The following DYM variants were observed in gnomAD, a reference collection of about 807,000 sequenced individuals.
DYM encodes the protein dymeclin, also known as dyggve-Melchior-Clausen syndrome protein.
DYM carries 78 observed loss-of-function variants against 93.1 expected under a neutral mutation model. The observed-to-expected ratio is 0.84, with a 90% CI of 0.70 to 1.01. DYM has a LOEUF of 1.01. Among genes scored for constraint, DYM ranks in the 50% least tolerant of loss-of-function variants. The pLI, the probability that DYM is intolerant of heterozygous loss-of-function variation, is 0.00. For synonymous variants in DYM, 321 were observed against 319.7 expected (o/e 1.00, Z -0.04); for missense variants, 789 against 845.0 (o/e 0.93, Z 0.82).
chr18:49,149,202 G>A (rs1008787581), intron 15 of DYM, among the ~76,000 whole-genome samples: 20 of 152,250 alleles, frequency 1.3e-4, no homozygotes, highest in African/African-American at 3.4e-4. Flanking sequence ...GAGCTCAGGA[G>A]GTAATGGAGT....
intron 8 of DYM, among the ~76,000 whole-genome samples, chr18:49,316,709 T>C (rs377436272): frequency 1.3e-5 from 2 of 152,172 alleles, no homozygotes; most frequent in African/African-American, 2.4e-5. Flanking sequence ...TACCTACTTA[T>C]GTATCTTCTC....
At chr18:49,080,682 A>G (rs9304372) in intron 17 of DYM, among the ~76,000 whole-genome samples, 106,617 of 133,374 alleles carry the variant, frequency 0.8, 42,368 homozygotes, top group South Asian at 0.88. Flanking sequence ...GCTGCCGGGC[A>G]GAGACGCTCC....
chr18:49,357,317 A>G (rs1054934549), intron 6 of DYM, among the ~76,000 whole-genome samples: 5 of 152,190 alleles, frequency 3.3e-5, no homozygotes, highest in African/African-American at 1.2e-4. Context: ...TTTGAGGATG[A>G]CCTGAATTAA....
At chr18:49,217,832 A>G (rs889570006) in intron 13 of DYM, among the ~76,000 whole-genome samples, 4 of 152,244 alleles carry the variant, frequency 2.6e-5, no homozygotes, top group Non-Finnish European at 5.9e-5. Flanking sequence ...GAGGCTGGGA[A>G]GAACCTGCAT....
intron 17 of DYM, among the ~76,000 whole-genome samples, chr18:49,045,286 C>A (rs1228146342): frequency 3.3e-5 from 5 of 152,190 alleles, no homozygotes; most frequent in African/African-American, 1.2e-4. Flanking sequence ...GAAGACATGG[C>A]CCATAGGGCA....
At chr18:49,184,483 C>T (rs982691764) in intron 14 of DYM, among the ~76,000 whole-genome samples, 1 of 152,138 alleles carries the variant, frequency 6.6e-6, no homozygotes, top group Non-Finnish European at 1.5e-5. Flanking sequence ...TTCAGAGATA[C>T]TGCAGCAATA....
chr18:49,338,029 A>G (rs1252808967), intron 6 of DYM, among the ~76,000 whole-genome samples: 1 of 152,192 alleles, frequency 6.6e-6, no homozygotes, highest in Non-Finnish European at 1.5e-5. Context: ...TAAAATGGAA[A>G]AAGTATGTAT....
rs180934405 is a variant in DYM at position 49,148,421 on chromosome 18, T to A, written c.1728+15264A>T. ...TTTTAAAAATATATTTAACATTTTT[T>A]AAATTAATTAATTTTTTGTAGACAC... On this transcript the variant is annotated intron_variant, in intron 15 of 17. Coordinates refer to ENST00000675505, the MANE Select transcript of DYM (RefSeq NM_001353214.3). 2.0e-5 allele frequency among the ~76,000 whole-genome samples: 3 copies of A among 152,272 alleles called. No homozygotes were observed. The East Asian group carries it at 5.8e-4, about 29-fold the overall frequency.
intron 10 of DYM, among the ~76,000 whole-genome samples, chr18:49,280,596 G>A (rs1299529276): frequency 6.6e-6 from 1 of 152,176 alleles, no homozygotes; most frequent in East Asian, 1.9e-4. Flanking sequence ...ATAAGGACAG[G>A]GAGGGATGCT....
At position 49,283,832 on chromosome 18, in the gene DYM, C is replaced by CT. The variant is rs796953230; in HGVS notation, c.947-1658dup. The stretch of plus-strand genomic sequence containing the variant: ...TGCCTCTCAGATTCTCCTTCCTAAG[C>CT]TTTACATTTGTGAGGGGAATGCACC... On this transcript the variant is annotated intron_variant, in intron 9 of 17. Coordinates refer to ENST00000675505, the MANE Select transcript of DYM (RefSeq NM_001353214.3). Among the ~76,000 whole-genome samples, 5 of 152,294 alleles carry CT rather than the reference C, an allele frequency of 3.3e-5. 1 individual carries two copies. Among genetic ancestry groups the CT allele is most frequent in the African/African-American group, 1.2e-4 (5 of 41,566 alleles).
At chr18:49,171,501 T>G (rs899144352) in intron 14 of DYM, among the ~76,000 whole-genome samples, 2 of 151,950 alleles carry the variant, frequency 1.3e-5, no homozygotes, top group Non-Finnish European at 2.9e-5. Flanking sequence ...TGACCCGTGA[T>G]CAAATTTACA....
At chr18:49,313,438 C>G (rs1298045789) in intron 8 of DYM, among the ~76,000 whole-genome samples, 1 of 110,392 alleles carries the variant, frequency 9.1e-6, no homozygotes. Flanking sequence ...ACTCCAGTCT[C>G]GGCAACAGAG....
intron 15 of DYM, among the ~76,000 whole-genome samples, chr18:49,149,461 T>C (rs2085559701): frequency 6.6e-6 from 1 of 152,164 alleles, no homozygotes; most frequent in South Asian, 2.1e-4. Context: ...ACACTCCCAA[T>C]CTCTTCATCC....
At chr18:49,306,081 G>A (rs2061257119) in intron 8 of DYM, among the ~76,000 whole-genome samples, 1 of 152,100 alleles carries the variant, frequency 6.6e-6, no homozygotes, top group Non-Finnish European at 1.5e-5. Context: ...GAAGATTAGT[G>A]GACTGAAAGA....
chr18:49,182,555 C>G (rs2090028041), intron 14 of DYM, among the ~76,000 whole-genome samples: 1 of 152,006 alleles, frequency 6.6e-6, no homozygotes, highest in African/African-American at 2.4e-5. Flanking sequence ...GTGATGTTTC[C>G]TCTCTGAAGT....
At chr18:49,214,177 G>GT (rs2092923902) in intron 13 of DYM, among the ~76,000 whole-genome samples, 1 of 152,208 alleles carries the variant, frequency 6.6e-6, no homozygotes. Flanking sequence ...TCTGAAGCCT[G>GT]TTAGGAACTG....
At chr18:49,134,969 G>A (rs1418010418) in intron 15 of DYM, among the ~76,000 whole-genome samples, 3 of 151,962 alleles carry the variant, frequency 2.0e-5, no homozygotes, top group African/African-American at 2.4e-5. Flanking sequence ...TTAGCTGGGC[G>A]TGGTGGCAGA....
At chr18:49,275,160 C>G (rs550011301) in intron 10 of DYM, among the ~76,000 whole-genome samples, 4 of 152,210 alleles carry the variant, frequency 2.6e-5, no homozygotes, top group African/African-American at 9.6e-5. Flanking sequence ...TGGGGTGAAG[C>G]AAAAGCCCAA....
intron 1 of DYM, 63 bp from the exon 2 acceptor site, chr18:49,430,510 TAAAA>T (rs2074712929): frequency 8.2e-7 from 1 of 1,221,368 alleles, no homozygotes; most frequent in Non-Finnish European, 1.2e-6. Flanking sequence ...TGTCTACCTA[TAAAA>T]AAACTATAAA....
Sources: gnomAD v4.1 joint callset for allele counts (sites outside exome capture counted in the v4.1 genomes callset) on GRCh38, gnomAD v4.1.1 for gene constraint, MANE v1.5 for transcripts, NCBI Gene and HGNC (gene_info 2026-07-23, HGNC 2026-07-21) for gene names.